The following PRKAG2 variants were observed in gnomAD, a reference collection of about 807,000 sequenced individuals.
The protein encoded by PRKAG2 is 5'-AMP-activated protein kinase subunit gamma-2.
In PRKAG2, 26 loss-of-function variants were observed where a neutral mutation model predicts 69.6. The observed-to-expected ratio is 0.37, with a 90% CI of 0.27 to 0.52. PRKAG2 has a LOEUF of 0.52. PRKAG2 is among the 20% of genes least tolerant of loss of function. The probability of loss-of-function intolerance (pLI) is 0.90; values close to 1 mark genes in which losing one functional copy is unlikely to be tolerated. For synonymous variants in PRKAG2, 293 were observed against 285.0 expected, an observed-to-expected ratio of 1.03 and a Z score of -0.28; for missense variants, 557 against 740.0, an observed-to-expected ratio of 0.75 and a Z score of 2.87.
chr7:151,638,274 A>ACC lies in PRKAG2; in HGVS notation c.685-6137_685-6136insGG, dbSNP rs1826069227. On this transcript the variant is annotated intron_variant, in intron 4 of 15. Transcript: ENST00000287878. The surrounding 1 kb of genome is among the most constrained non-coding windows in gnomAD (Gnocchi z 4.3). ...GAGGGAACAGAGGGACCCAAGTTGG[A>ACC]CTTTATGGAGAGAATGCCTGAGAAA... Among the ~76,000 whole-genome samples, 5 of 152,156 alleles carry ACC rather than the reference A, an allele frequency of 3.3e-5. No homozygotes were observed. The highest frequency in any genetic ancestry group is 1.2e-4 in the African/African-American group (5 of 41,438).
chr7:151,633,884 A>C (rs1481031829), intron 4 of PRKAG2, among the ~76,000 whole-genome samples: 1 of 152,168 alleles, frequency 6.6e-6, no homozygotes, highest in East Asian at 1.9e-4. Flanking sequence ...AAATAAGCTT[A>C]TTCTAAAATT....
chr7:151,628,204 G>C (rs1395031256), intron 5 of PRKAG2, among the ~76,000 whole-genome samples: 2 of 152,292 alleles, frequency 1.3e-5, no homozygotes, highest in African/African-American at 4.8e-5. Context: ...TTCATGAAGT[G>C]GTACCAGAGT....
chr7:151,601,214 C>T (rs1055885631), intron 5 of PRKAG2, among the ~76,000 whole-genome samples: 2 of 152,204 alleles, frequency 1.3e-5, no homozygotes, highest in African/African-American at 2.4e-5. Context: ...TGAGAACACA[C>T]AGGTGGGTCA....
chr7:151,595,313 C>A lies in PRKAG2; in HGVS notation c.864+32G>T, dbSNP rs200549512. ...TAAAGTAGTAGCCATCCAAAAAATA[C>A]CAAAAAATTCATGAAAATGGAGTAC... On this transcript the variant is annotated intron_variant, in intron 6 of 15. Transcript: ENST00000287878. 419 of 1,549,704 alleles carry A rather than the reference C, an allele frequency of 2.7e-4. No homozygotes were observed. In the African/African-American group the frequency reaches 5.1e-3, roughly 19 times the overall value.
intron 3 of PRKAG2, among the ~76,000 whole-genome samples, chr7:151,690,965 G>A (rs1360758498): frequency 6.6e-6 from 1 of 152,174 alleles, no homozygotes; most frequent in African/African-American, 2.4e-5. Flanking sequence ...AGCTTGCTTT[G>A]TACATAGTGC....
At chr7:151,736,272 C>A in intron 3 of PRKAG2, 1 of 1,289,102 alleles carries the variant, frequency 7.8e-7, no homozygotes. Context: ...GCAGCTGGAG[C>A]GTCAGCCCGG....
chr7:151,582,129 C>T lies in PRKAG2; in HGVS notation c.865-5677G>A, dbSNP rs560652384. On this transcript the variant is annotated intron_variant, in intron 6 of 15. Transcript: ENST00000287878. Reference sequence around the variant, plus strand: ...GGAATTAATTAATTTCAGACAGTATCGGTCCAACAGAGGGATCGATGTATG... The same window carrying T: ...GGAATTAATTAATTTCAGACAGTATTGGTCCAACAGAGGGATCGATGTATG... Among the ~76,000 whole-genome samples the T allele has an allele frequency of 9.9e-5, 15 of 152,184 alleles. No homozygotes were observed. In the South Asian group the frequency reaches 1.0e-3, roughly 11 times the overall value.
At chr7:151,592,120 C>T (rs957129054) in intron 6 of PRKAG2, among the ~76,000 whole-genome samples, 12 of 151,468 alleles carry the variant, frequency 7.9e-5, no homozygotes, top group African/African-American at 2.9e-4. Context: ...GACACCGGTG[C>T]CTCCCCTACC....
intron 12 of PRKAG2, among the ~76,000 whole-genome samples, 164 bp downstream of exon 12, chr7:151,565,556 C>T (rs1806046404): frequency 6.6e-6 from 1 of 152,034 alleles, no homozygotes; most frequent in Non-Finnish European, 1.5e-5. Context: ...TGAAAATAAA[C>T]CAATTAAACT....
intron 3 of PRKAG2, among the ~76,000 whole-genome samples, chr7:151,704,072 A>C (rs1838210374): frequency 1.3e-5 from 2 of 151,952 alleles, no homozygotes; most frequent in Non-Finnish European, 2.9e-5. Context: ...AAAAAAAAAA[A>C]TGTGGGTACA....
rs541128105 is a variant in PRKAG2 at position 151,814,368 on chromosome 7, G to A, written c.115-27827C>T. ...GGGGGAAAACCGCACACCCAGGGACGCACAATCACTATGCATTTAGAAAGC... is the reference window on the plus strand; with the variant it reads ...GGGGGAAAACCGCACACCCAGGGACACACAATCACTATGCATTTAGAAAGC... On this transcript the variant is annotated intron_variant, in intron 1 of 15. Transcript: ENST00000287878. The surrounding 1 kb of genome is among the most constrained non-coding windows in gnomAD (Gnocchi z 4.8). 2.2e-5 allele frequency: 26 copies of A among 1,175,754 alleles called. No individual in the cohort carries two copies. The highest frequency in any genetic ancestry group is 1.1e-4 in the African/African-American group (7 of 63,426). The allele number at this position is 1,175,754 out of a possible 1,614,324, so 72.8% of individuals were successfully genotyped here.
chr7:151,685,759 C>T (rs1834622356), intron 3 of PRKAG2, among the ~76,000 whole-genome samples: 1 of 109,764 alleles, frequency 9.1e-6, no homozygotes, highest in South Asian at 3.5e-4. Flanking sequence ...ACAGAAAGAC[C>T]CTGTCTCTAA....
At chr7:151,602,394 CAT>C (rs2151171640) in intron 5 of PRKAG2, among the ~76,000 whole-genome samples, 1 of 152,144 alleles carries the variant, frequency 6.6e-6, no homozygotes, top group Non-Finnish European at 1.5e-5. Context: ...ATATTATAGA[CAT>C]ATTATACATG....
At chr7:151,739,015 C>T (rs1396825758) in intron 3 of PRKAG2, among the ~76,000 whole-genome samples, 4 of 152,174 alleles carry the variant, frequency 2.6e-5, no homozygotes, top group Admixed American at 6.5e-5. Context: ...AGATCTGCCA[C>T]TCCCATGGGG....
intron 1 of PRKAG2, among the ~76,000 whole-genome samples, chr7:151,870,448 T>C (rs1301327262): frequency 6.6e-6 from 1 of 152,196 alleles, no homozygotes; most frequent in African/African-American, 2.4e-5. Flanking sequence ...CCACACTTTG[T>C]TAAACATTGC....
At chr7:151,773,561 C>T (rs1262364174) in intron 3 of PRKAG2, among the ~76,000 whole-genome samples, 1 of 152,212 alleles carries the variant, frequency 6.6e-6, no homozygotes, top group African/African-American at 2.4e-5. Context: ...GAAAGAATTA[C>T]ATACAATGCA....
At chr7:151,837,116 C>T (rs574738390) in intron 1 of PRKAG2, among the ~76,000 whole-genome samples, 27 of 152,342 alleles carry the variant, frequency 1.8e-4, no homozygotes, top group South Asian at 4.1e-4. Flanking sequence ...CGTACAGGAG[C>T]GGTGGGGAGA....
At chr7:151,738,603 G>A (rs185081883) in intron 3 of PRKAG2, among the ~76,000 whole-genome samples, 131 of 152,404 alleles carry the variant, frequency 8.6e-4, no homozygotes, top group African/African-American at 2.7e-3. Context: ...TAGCATGAGC[G>A]ATCTGTGCTT....
At chr7:151,693,123 G>T (rs984733530) in intron 3 of PRKAG2, among the ~76,000 whole-genome samples, 3 of 152,204 alleles carry the variant, frequency 2.0e-5, no homozygotes, top group East Asian at 3.8e-4. Context: ...CGCTCCTGAG[G>T]ACAGGGGTCT....
Sources: gnomAD v4.1 joint callset for allele counts (sites outside exome capture counted in the v4.1 genomes callset) on GRCh38, gnomAD v4.1.1 for gene constraint, Gnocchi (gnomAD v3.1) non-coding constraint, MANE v1.5 for transcripts, NCBI Gene and HGNC (gene_info 2026-07-23, HGNC 2026-07-21) for gene names.